The following P2RY14 variants were observed in gnomAD, a reference collection of about 807,000 sequenced individuals.
The protein encoded by P2RY14 is P2Y purinoceptor 14.
A neutral mutation model predicts 0.9 loss-of-function variants in P2RY14; 2 were observed. The ratio of observed to expected loss-of-function variants is 2.16; its 90% CI spans 0.88 to 6.79. The LOEUF (loss-of-function observed/expected upper bound fraction) is 6.79, where lower values mean the gene tolerates loss of function less well. P2RY14 is among the 30% of genes most tolerant of loss of function. The probability of loss-of-function intolerance (pLI) is 0.05; values close to 1 mark genes in which losing one functional copy is unlikely to be tolerated. For synonymous variants in P2RY14, 158 were observed against 147.2 expected, an observed-to-expected ratio of 1.07 and a Z score of -0.53; for missense variants, 378 against 400.1, an observed-to-expected ratio of 0.94 and a Z score of 0.47.
intron 1 of P2RY14, among the ~76,000 whole-genome samples, chr3:151,249,818 C>T (rs1282154966): frequency 6.6e-6 from 1 of 152,086 alleles, no homozygotes; most frequent in East Asian, 1.9e-4. Flanking sequence ...TGAAATTATG[C>T]TCTGGATTAA....
At position 151,213,225 on chromosome 3, in the gene P2RY14, A is replaced by G. The variant is rs1406256390; in HGVS notation, c.*75T>C. On this transcript the variant is annotated 3_prime_UTR_variant, in exon 3 of 3. Transcript: ENST00000309170. ...GATGATATTTATGATGAGGGCACAT[A>G]TCTTATTGATTTCTGTTATGTAATT... The G allele has an allele frequency of 8.9e-6, 10 of 1,124,764 alleles. No homozygotes were observed. Among genetic ancestry groups the G allele is most frequent in the Middle Eastern group, 2.0e-4 (1 of 4,904 alleles). The allele number at this position is 1,124,764 out of a possible 1,614,324, so 69.7% of individuals were successfully genotyped here. A position where few individuals can be genotyped will look rare whatever the true frequency, so the allele number is the denominator to read the frequency against.
intron 1 of P2RY14, among the ~76,000 whole-genome samples, chr3:151,226,331 A>T (rs990255335): frequency 1.3e-5 from 2 of 152,182 alleles, no homozygotes; most frequent in African/African-American, 4.8e-5. Context: ...ACAGTGGGGG[A>T]AAATGGATGG....
At chr3:151,270,480 T>C (rs76976310) in intron 1 of P2RY14, among the ~76,000 whole-genome samples, 2,133 of 152,290 alleles carry the variant, frequency 0.014, 46 homozygotes, top group African/African-American at 0.05. Context: ...GGAATTTGCA[T>C]GGTGCTAAGC....
chr3:151,244,468 C>G (rs1398548298), intron 1 of P2RY14, among the ~76,000 whole-genome samples: 2 of 145,760 alleles, frequency 1.4e-5, no homozygotes, highest in Admixed American at 7.0e-5. Flanking sequence ...GAATCTCACT[C>G]AAAACCACTC....
chr3:151,229,284 T>A (rs1305303963), intron 1 of P2RY14, among the ~76,000 whole-genome samples: 1 of 151,060 alleles, frequency 6.6e-6, no homozygotes, highest in Non-Finnish European at 1.5e-5. Flanking sequence ...ACTGTGGTAA[T>A]AACTTATAAA....
At chr3:151,241,771 T>C (rs1198321346) in intron 1 of P2RY14, 4 of 152,538 alleles carry the variant, frequency 2.6e-5, no homozygotes, top group Non-Finnish European at 5.8e-5. Context: ...AAAAATGAAT[T>C]AGGGGAGGAG....
chr3:151,250,637 T>A (rs1736670511), intron 1 of P2RY14, among the ~76,000 whole-genome samples: 2 of 152,234 alleles, frequency 1.3e-5, no homozygotes, highest in African/African-American at 4.8e-5. Context: ...TATTCCGCTC[T>A]ATGTATATAC....
chr3:151,228,742 AGCTCTGCATC>A (rs1731026313), intron 1 of P2RY14, among the ~76,000 whole-genome samples: 1 of 152,172 alleles, frequency 6.6e-6, no homozygotes, highest in South Asian at 2.1e-4. Flanking sequence ...AGTGGCACAA[AGCTCTGCATC>A]ACTCCTGGCT....
In P2RY14 at chr3:151,213,445, T is replaced by C. The variant is rs1209791286; in HGVS notation, c.872A>G (p.Asp291Gly). 6.2e-7 allele frequency: 1 copy of C among 1,614,166 alleles called. No individual in the cohort carries two copies. The highest frequency in any genetic ancestry group is 8.5e-7 in the Non-Finnish European group (1 of 1,180,008). ...LLLSAANVCL[D>G]PIIYFFLCQP... ...GCATAGAAAGAAATAAATAATAGGG[T>C]CCAAGCATACATTTGCAGCAGATAG... is the stretch of plus-strand genomic sequence containing the variant. The change falls in exon 3 of 3, where the codon GAC becomes GGC. Residue 291 changes from aspartate (D) to glycine (G), a missense_variant. By Grantham distance (94) the Asp-to-Gly change is moderately conservative. Transcript: ENST00000309170.
In P2RY14 at chr3:151,213,358, A is replaced by G. The variant is rs115868899; in HGVS notation, c.959T>C (p.Leu320Pro). 1,027 of 1,613,808 alleles carry G rather than the reference A, an allele frequency of 6.4e-4. 9 individuals carry two copies. In the African/African-American group the frequency reaches 0.012, roughly 19 times the overall value. ...LHIPLKAQND[L>P]DISRIKRGNT... The stretch of plus-strand genomic sequence containing the variant: ...TCCTCTTTTGATTCTGGAAATGTCT[A>G]GGTCATTCTGAGCTTTTAATGGAAT... The change falls in exon 3 of 3, where the codon CTA becomes CCA. Residue 320 changes from leucine (L) to proline (P), a missense_variant. By Grantham distance (98) the Leu-to-Pro change is moderately conservative. Transcript: ENST00000309170.
chr3:151,222,362 C>T (rs113691938), intron 1 of P2RY14, among the ~76,000 whole-genome samples: 15,745 of 152,076 alleles, frequency 0.1, 1,096 homozygotes, highest in Middle Eastern at 0.16. Flanking sequence ...GATTTGGGAG[C>T]GGTCAGAGGT....
intron 1 of P2RY14, among the ~76,000 whole-genome samples, chr3:151,247,792 G>C (rs60449267): frequency 0.026 from 3,906 of 151,036 alleles, 155 homozygotes; most frequent in African/African-American, 0.091. Flanking sequence ...AAATGAATTA[G>C]GACTTAAGAA....
chr3:151,223,457 T>G (rs1157819477), intron 1 of P2RY14, among the ~76,000 whole-genome samples: 2 of 152,178 alleles, frequency 1.3e-5, no homozygotes, highest in African/African-American at 4.8e-5. Flanking sequence ...CTATCAATGA[T>G]GGATTGGATG....
intron 1 of P2RY14, among the ~76,000 whole-genome samples, chr3:151,268,326 G>T (rs1469174422): frequency 1.3e-5 from 2 of 152,062 alleles, no homozygotes; most frequent in Non-Finnish European, 2.9e-5. Context: ...TTGTTAAAAA[G>T]AATTCAGTCT....
Position 151,212,569 on chromosome 3 carries a change from A to C in P2RY14, c.*731T>G, listed in dbSNP as rs1010000779. The stretch of plus-strand genomic sequence containing the variant: ...GCCAATATTTAGTTTCTCTCAGTAA[A>C]GCCTACTTAAAAATATTCTAACACC... On this transcript the variant is annotated 3_prime_UTR_variant, in exon 3 of 3. Coordinates refer to ENST00000309170, the MANE Select transcript of P2RY14 (RefSeq NM_014879.4). 7 of 152,124 alleles carry C rather than the reference A, an allele frequency of 4.6e-5. No homozygotes were observed. Among genetic ancestry groups the C allele is most frequent in the Admixed American group, 4.6e-4 (7 of 15,260 alleles). 9.4% of individuals were successfully genotyped at this position (152,124 alleles called of 1,614,324 possible). A position where few individuals can be genotyped will look rare whatever the true frequency, so the allele number is the denominator to read the frequency against.
rs189530124 is a variant in P2RY14, at chr3:151,222,324, T to C, written c.-132-2682A>G. Among the ~76,000 whole-genome samples, 3 of 152,186 alleles carry C rather than the reference T, an allele frequency of 2.0e-5. No individual in the cohort carries two copies. The East Asian group carries it at 5.8e-4, about 29-fold the overall frequency. On this transcript the variant is annotated intron_variant, in intron 1 of 2. Coordinates refer to ENST00000309170, the MANE Select transcript of P2RY14 (RefSeq NM_014879.4). ...AGACTTGGGGGACTGTTGGAAGACA[T>C]GATTGGTTTTGAAATGTGAAGATAT...
chr3:151,262,863 G>T (rs527694347), intron 1 of P2RY14, among the ~76,000 whole-genome samples: 1 of 152,026 alleles, frequency 6.6e-6, no homozygotes, highest in Admixed American at 6.5e-5. Flanking sequence ...TCCTGTTAAC[G>T]TCTCCTCAGT....
intron 1 of P2RY14, among the ~76,000 whole-genome samples, chr3:151,277,322 C>G (rs967221297): frequency 1.3e-5 from 2 of 151,792 alleles, no homozygotes; most frequent in East Asian, 3.9e-4. Flanking sequence ...TAAATTTTAC[C>G]GAAATATAAA....
At position 151,234,670 on chromosome 3, in the gene P2RY14, A is replaced by T. The variant is rs145617717; in HGVS notation, c.-132-15028T>A. Among the ~76,000 whole-genome samples the T allele has an allele frequency of 2.0e-3, 308 of 152,352 alleles. 2 individuals carry two copies. Among genetic ancestry groups the T allele is most frequent in the African/African-American group, 7.3e-3 (305 of 41,590 alleles). On this transcript the variant is annotated intron_variant, in intron 1 of 2. Coordinates refer to ENST00000309170, the MANE Select transcript of P2RY14 (RefSeq NM_014879.4). ...CAGATATGGTAATCAGAGCCCCTAC[A>T]ACTAGGACCCAACCATTCGAAGCCT...
Sources: allele counts gnomAD v4.1 joint callset (sites outside exome capture counted in the v4.1 genomes callset), GRCh38; gene constraint gnomAD v4.1.1; transcripts MANE v1.5; gene names NCBI Gene and HGNC (gene_info 2026-07-23, HGNC 2026-07-21).